PLCZ1: variants seen among roughly 807,000 people sequenced by gnomAD.
PLCZ1 encodes phospholipase C zeta 1, also known as 1-phosphatidylinositol 4,5-bisphosphate phosphodiesterase zeta-1.
Under a neutral mutation model 76.8 loss-of-function variants are expected in PLCZ1, and 64 were observed. The observed-to-expected ratio is 0.83, with a 90% CI of 0.68 to 1.03. The LOEUF is 1.03. PLCZ1 is among the 50% of genes least tolerant of loss of function. The probability of loss-of-function intolerance (pLI) is 0.00; values close to 1 mark genes in which losing one functional copy is unlikely to be tolerated. For missense variants in PLCZ1, 751 were observed against 713.7 expected, an observed-to-expected ratio of 1.05 and a Z score of -0.60; for synonymous variants, 248 against 230.8, an observed-to-expected ratio of 1.07 and a Z score of -0.68.
chr12:18,707,474 G>T (rs1956744282), intron 6 of PLCZ1, among the ~76,000 whole-genome samples: 1 of 152,000 alleles, frequency 6.6e-6, no homozygotes, highest in South Asian at 2.1e-4. Context: ...TATCTTCCCT[G>T]GCCACATTGA....
intron 6 of PLCZ1, among the ~76,000 whole-genome samples, chr12:18,706,852 T>G (rs1035808420): frequency 3.3e-5 from 5 of 152,214 alleles, no homozygotes; most frequent in Middle Eastern, 3.2e-3. Context: ...CAACAACATT[T>G]ATTCTCTCAC....
chr12:18,721,940 C>T (rs1958466323), intron 4 of PLCZ1, among the ~76,000 whole-genome samples: 1 of 151,964 alleles, frequency 6.6e-6, no homozygotes, highest in East Asian at 1.9e-4. Flanking sequence ...TTATTGTGGC[C>T]TATAAGAACC....
the PLCZ1 span, among the ~76,000 whole-genome samples, chr12:18,650,712 C>G: frequency 0.042 from 580 of 13,956 alleles, 18 homozygotes; most frequent in African/African-American, 0.095. Context: ...GTGTATATAT[C>G]TATATATATA....
At chr12:18,732,211 G>T (rs563387590) in intron 3 of PLCZ1, among the ~76,000 whole-genome samples, 2 of 152,206 alleles carry the variant, frequency 1.3e-5, no homozygotes, top group East Asian at 3.9e-4. Context: ...GAGAGCAGCG[G>T]TGCCATCACA....
At chr12:18,733,799 C>G (rs978153630) in intron 3 of PLCZ1, among the ~76,000 whole-genome samples, 3 of 152,124 alleles carry the variant, frequency 2.0e-5, no homozygotes, top group African/African-American at 4.8e-5. Context: ...TTTCTGGGCT[C>G]TCTATTCTGT....
chr12:18,712,815 T>C (rs369823512), intron 6 of PLCZ1, 27 bp downstream of exon 6: 2 of 1,610,038 alleles, frequency 1.2e-6, no homozygotes, highest in Non-Finnish European at 1.7e-6. Context: ...TTTAAATAGC[T>C]ACAGTTGAAC....
At chr12:18,731,676 C>T (rs1304716549) in intron 3 of PLCZ1, among the ~76,000 whole-genome samples, 1 of 151,234 alleles carries the variant, frequency 6.6e-6, no homozygotes, top group African/African-American at 2.4e-5. Context: ...AACTTCAACA[C>T]AGATTGTGTT....
chr12:18,702,818 CT>C (rs71064022), intron 7 of PLCZ1, among the ~76,000 whole-genome samples: 43 of 116,592 alleles, frequency 3.7e-4, no homozygotes, highest in East Asian at 5.2e-4. Context: ...GATAAAGTAA[CT>C]TTTTTTTTTT....
intron 5 of PLCZ1, among the ~76,000 whole-genome samples, chr12:18,719,064 T>C (rs921593249): frequency 6.6e-6 from 1 of 152,214 alleles, no homozygotes; most frequent in Non-Finnish European, 1.5e-5. Flanking sequence ...TGAGAATTAA[T>C]TTTAACCATA....
intron 2 of PLCZ1, 38 bp from the exon 3 acceptor site, chr12:18,736,382 AG>A (rs1405546007): frequency 6.3e-7 from 1 of 1,595,810 alleles, no homozygotes; most frequent in Admixed American, 1.7e-5. Context: ...TCTCACAGAA[AG>A]TCATTGAATA....
intron 14 of PLCZ1, 135 bp from the exon 15 acceptor site, chr12:18,683,459 G>A (rs983683780): frequency 1.3e-5 from 19 of 1,430,218 alleles, no homozygotes; most frequent in Admixed American, 5.9e-5. Context: ...TTCCCATCTG[G>A]TATATTAATC....
chr12:18,700,039 A>G, intron 9 of PLCZ1, 89 bp from the exon 10 acceptor site: 4 of 1,067,418 alleles, frequency 3.7e-6, no homozygotes, highest in Non-Finnish European at 5.6e-6. Flanking sequence ...CTTTCAAACA[A>G]ATGATTTTCA....
intron 4 of PLCZ1, among the ~76,000 whole-genome samples, chr12:18,722,678 A>G (rs1325175949): frequency 6.6e-6 from 1 of 152,028 alleles, no homozygotes; most frequent in African/African-American, 2.4e-5. Flanking sequence ...AAGTGTTTTT[A>G]CCCATTGAAA....
At chr12:18,693,022 A>G in intron 12 of PLCZ1, 1 of 1,427,744 alleles carries the variant, frequency 7.0e-7, no homozygotes, top group East Asian at 2.3e-5. Flanking sequence ...ATTAGAAATC[A>G]GGAACAAATG....
chr12:18,651,008 A>C, the PLCZ1 span, among the ~76,000 whole-genome samples: 3 of 151,882 alleles, frequency 2.0e-5, no homozygotes, highest in Admixed American at 2.0e-4. Context: ...AAAACTCTGC[A>C]GGGGCTTCTA....
At chr12:18,682,529 C>A (rs1186886440), downstream of PLCZ1, among the ~76,000 whole-genome samples, 1 of 152,026 alleles carries the variant, frequency 6.6e-6, no homozygotes, top group Non-Finnish European at 1.5e-5. Flanking sequence ...TGAGATAGCA[C>A]AGGAACTTCA....
chr12:18,731,254 AGCTTTCGT>A (rs1188551188), intron 3 of PLCZ1: 39 of 152,104 alleles, frequency 2.6e-4, no homozygotes, highest in Middle Eastern at 3.4e-3. Context: ...TATAGCGAAC[AGCTTTCGT>A]AAAGATACTG....
At chr12:18,692,891 G>C in intron 12 of PLCZ1, 1 of 1,602,334 alleles carries the variant, frequency 6.2e-7, no homozygotes, top group Non-Finnish European at 8.5e-7. Context: ...AAAAGAAGAA[G>C]AAAACAAAGG....
chr12:18,701,051 C>T (rs11044259), intron 9 of PLCZ1, among the ~76,000 whole-genome samples: 58,391 of 151,258 alleles, frequency 0.39, 11,429 homozygotes, highest in African/African-American at 0.44. Flanking sequence ...ATGGCTCGAT[C>T]TCGGCTCACT....
Sources: gnomAD v4.1 joint callset for allele counts (sites outside exome capture counted in the v4.1 genomes callset) on GRCh38, gnomAD v4.1.1 for gene constraint, MANE v1.5 for transcripts, NCBI Gene and HGNC (gene_info 2026-07-23, HGNC 2026-07-21) for gene names.